BTBD3: variants seen among roughly 807,000 people sequenced by gnomAD.
BTBD3 encodes the protein BTB domain containing 3, also known as BTB/POZ domain-containing protein 3.
A neutral mutation model predicts 41.6 loss-of-function variants in BTBD3; 14 were observed. The ratio of observed to expected loss-of-function variants is 0.34; its 90% CI spans 0.22 to 0.53. The LOEUF is 0.53. Among genes scored for constraint, BTBD3 ranks in the 20% least tolerant of loss-of-function variants. The probability of loss-of-function intolerance (pLI) is 0.95; values close to 1 mark genes in which losing one functional copy is unlikely to be tolerated. For synonymous variants in BTBD3, 249 were observed against 233.7 expected, an observed-to-expected ratio of 1.07 and a Z score of -0.60; for missense variants, 426 against 654.7, an observed-to-expected ratio of 0.65 and a Z score of 3.81.
At chr20:11,913,419 C>A (rs915624294), upstream of BTBD3, 1 of 151,864 alleles carries the variant, frequency 6.6e-6, no homozygotes, top group Non-Finnish European at 1.5e-5. Context: ...TGTGCCCCTA[C>A]AGGGGTGCAG....
chr20:11,915,413 G>C (rs563305976), upstream of BTBD3, among the ~76,000 whole-genome samples: 1 of 152,256 alleles, frequency 6.6e-6, no homozygotes, highest in African/African-American at 2.4e-5. Flanking sequence ...CTTAATAGTT[G>C]AATGCAACAT....
chr20:11,890,963 G>A (rs1169024593), intron 1 of BTBD3: 2 of 982,928 alleles, frequency 2.0e-6, no homozygotes, highest in African/African-American at 1.8e-5. Context: ...CGGTGAGTGA[G>A]GGCGCCGCGG....
chr20:11,904,042 G>C (rs898712868), intron 1 of BTBD3, among the ~76,000 whole-genome samples: 12 of 152,158 alleles, frequency 7.9e-5, no homozygotes, highest in African/African-American at 2.7e-4. Flanking sequence ...GAAAAAGTAG[G>C]TATGTGTAAA....
chr20:11,926,563 T>C lies in BTBD3; in HGVS notation c.*2897T>C, dbSNP rs1453774995. On this transcript the variant is annotated 3_prime_UTR_variant, in exon 4 of 4. Coordinates refer to ENST00000378226, the MANE Select transcript of BTBD3 (RefSeq NM_014962.4). ...TTGTTAGACACATGAATGTGTATAA[T>C]CATGTTAAATGCAAATAAAACTAGT... The C allele has an allele frequency of 6.6e-6, 1 of 152,632 alleles. No individual in the cohort carries two copies. The highest frequency in any genetic ancestry group is 1.5e-5 in the Non-Finnish European group (1 of 68,034). 9.5% of individuals were successfully genotyped at this position (152,632 alleles called of 1,614,324 possible).
chr20:11,893,060 C>CT (rs2056765919), intron 1 of BTBD3, among the ~76,000 whole-genome samples: 1 of 125,696 alleles, frequency 8.0e-6, no homozygotes. Context: ...AAAAAATGTT[C>CT]ATTTTTTTTT....
rs751696208 is a variant in BTBD3, at chr20:11,926,176, T to A, written c.*2510T>A. On this transcript the variant is annotated 3_prime_UTR_variant, in exon 4 of 4. Coordinates refer to ENST00000378226, the MANE Select transcript of BTBD3 (RefSeq NM_014962.4). The stretch of plus-strand genomic sequence containing the variant: ...CAACTTTATTCTATAAACACAACTT[T>A]ATTAAGCAGAATACACTGTAGATGC... 6.5e-6 allele frequency: 1 copy of A among 152,794 alleles called. No homozygotes were observed. The highest frequency in any genetic ancestry group is 2.4e-5 in the African/African-American group (1 of 41,588). The allele number at this position is 152,794 out of a possible 1,614,324, so 9.5% of individuals were successfully genotyped here. A position where few individuals can be genotyped will look rare whatever the true frequency, so the allele number is the denominator to read the frequency against.
At position 11,918,041 on chromosome 20, in the gene BTBD3, C is replaced by G; in HGVS notation, c.-235C>G. The G allele has an allele frequency of 1.6e-6, 2 of 1,256,984 alleles. No homozygotes were observed. Among genetic ancestry groups the G allele is most frequent in the Non-Finnish European group, 2.0e-6 (2 of 1,002,882 alleles). The allele number at this position is 1,256,984 out of a possible 1,614,324, so 77.9% of individuals were successfully genotyped here. On this transcript the variant is annotated 5_prime_UTR_variant, in exon 1 of 4. Transcript: ENST00000378226. ...TCTAGGAAACAGTTATTTTTATGAG[C>G]AAATAAGAGAAACAGGAATCATGAT...
intron 1 of BTBD3, among the ~76,000 whole-genome samples, chr20:11,895,752 T>G (rs1453810058): frequency 2.0e-5 from 3 of 152,206 alleles, no homozygotes; most frequent in Non-Finnish European, 4.4e-5. Context: ...CTTGGAATTT[T>G]AGAGCTTCTC....
upstream of BTBD3, among the ~76,000 whole-genome samples, chr20:11,916,870 A>G (rs576135689): frequency 5.3e-4 from 80 of 152,310 alleles, no homozygotes; most frequent in Non-Finnish European, 1.1e-3. Flanking sequence ...ATAAATAAGC[A>G]TATGCAGAAC....
intron 1 of BTBD3, among the ~76,000 whole-genome samples, chr20:11,904,154 T>TG (rs1352852556): frequency 1.3e-5 from 2 of 152,152 alleles, no homozygotes; most frequent in African/African-American, 4.8e-5. Flanking sequence ...CTGAGACTGT[T>TG]TAATTTATAA....
intron 1 of BTBD3, among the ~76,000 whole-genome samples, chr20:11,904,971 G>C (rs1443891900): frequency 6.6e-6 from 1 of 152,116 alleles, no homozygotes; most frequent in African/African-American, 2.4e-5. Flanking sequence ...AGAAAAGGTT[G>C]GTTCACTGAG....
At chr20:11,909,956 G>A (rs1387702112) in intron 1 of BTBD3, 3 of 152,206 alleles carry the variant, frequency 2.0e-5, no homozygotes, top group Non-Finnish European at 4.4e-5. Context: ...TTATTTCTAA[G>A]CACTGAGTGA....
intron 1 of BTBD3, among the ~76,000 whole-genome samples, chr20:11,901,992 G>C (rs1295833066): frequency 6.6e-6 from 1 of 152,102 alleles, no homozygotes; most frequent in Non-Finnish European, 1.5e-5. Flanking sequence ...TCTAGTAAAA[G>C]ACTAGACCCT....
chr20:11,923,492 C>G lies in BTBD3; in HGVS notation c.1395C>G (p.Thr465=). 3 of 1,614,170 alleles carry G rather than the reference C, an allele frequency of 1.9e-6. No homozygotes were observed. The highest frequency in any genetic ancestry group is 2.5e-6 in the Non-Finnish European group (3 of 1,180,042). The change falls in exon 4 of 4, where the codon ACC becomes ACG. Residue 465 remains threonine, a synonymous_variant. Coordinates refer to ENST00000378226, the MANE Select transcript of BTBD3 (RefSeq NM_014962.4). This position sits in a 1 kb window ranked among gnomAD's most constrained non-coding sequence, Gnocchi z 5.3. ...FEYPVQIEPD[T]FYTASVILDG... ...ACCCAGTGCAGATCGAGCCAGACAC[C>G]TTCTACACAGCCAGTGTGATACTGG...
chr20:11,891,400 C>T (rs560630578), intron 1 of BTBD3: 44 of 152,096 alleles, frequency 2.9e-4, no homozygotes, highest in African/African-American at 9.9e-4. Flanking sequence ...GGGCCGCGCC[C>T]CTCTCCCGGG....
intron 1 of BTBD3, among the ~76,000 whole-genome samples, chr20:11,906,584 G>T (rs908769781): frequency 7.9e-5 from 12 of 151,892 alleles, no homozygotes; most frequent in African/African-American, 2.9e-4. Flanking sequence ...ATGTTGTAAG[G>T]GAATATATAG....
upstream of BTBD3, among the ~76,000 whole-genome samples, chr20:11,914,626 A>C (rs570728718): frequency 6.6e-6 from 1 of 151,842 alleles, no homozygotes; most frequent in East Asian, 1.9e-4. Flanking sequence ...AAGTATAATA[A>C]TAATAAAATA....
chr20:11,892,468 C>G (rs867787977), intron 1 of BTBD3: 1 of 151,900 alleles, frequency 6.6e-6, no homozygotes, highest in African/African-American at 2.4e-5. Flanking sequence ...TCCTCTTACC[C>G]TTGGGTTTCT....
chr20:11,895,539 T>G (rs2056781652), intron 1 of BTBD3, among the ~76,000 whole-genome samples: 1 of 152,122 alleles, frequency 6.6e-6, no homozygotes, highest in Non-Finnish European at 1.5e-5. Context: ...CCAGTAAAGT[T>G]TTGCACTGAG....
Sources: allele counts gnomAD v4.1 joint callset (sites outside exome capture counted in the v4.1 genomes callset), GRCh38; gene constraint gnomAD v4.1.1; non-coding constraint Gnocchi (gnomAD v3.1); transcripts MANE v1.5; gene names NCBI Gene and HGNC (gene_info 2026-07-23, HGNC 2026-07-21).